The following PCDH15 variants were observed in gnomAD, a reference collection of about 807,000 sequenced individuals.
The protein encoded by PCDH15 is protocadherin related 15.
A neutral mutation model predicts 178.5 loss-of-function variants in PCDH15; 129 were observed. The observed-to-expected ratio is 0.72, with a 90% CI of 0.63 to 0.84. PCDH15 has a LOEUF of 0.84. PCDH15 is among the 40% of genes least tolerant of loss of function. The pLI, the probability that PCDH15 is intolerant of heterozygous loss-of-function variation, is 0.00. For synonymous variants in PCDH15, 800 were observed against 732.0 expected, an observed-to-expected ratio of 1.09 and a Z score of -1.50; for missense variants, 2,230 against 2,099.9, an observed-to-expected ratio of 1.06 and a Z score of -1.21.
intron 2 of PCDH15, among the ~76,000 whole-genome samples, chr10:55,538,524 C>A (rs796746623): frequency 3.2e-5 from 2 of 62,572 alleles, no homozygotes; most frequent in Non-Finnish European, 6.6e-5. Flanking sequence ...CTTCCTTCCT[C>A]CCTTCCTTCC....
At chr10:55,475,691 T>A (rs1238173754) in intron 2 of PCDH15, among the ~76,000 whole-genome samples, 1 of 152,146 alleles carries the variant, frequency 6.6e-6, no homozygotes, top group Non-Finnish European at 1.5e-5. Context: ...GTGTTTAAAC[T>A]TGGGTCTCAT....
At chr10:55,296,258 T>G (rs1222682825) in intron 1 of PCDH15, among the ~76,000 whole-genome samples, 1 of 152,156 alleles carries the variant, frequency 6.6e-6, no homozygotes, top group Non-Finnish European at 1.5e-5. Context: ...CAAATAGGCA[T>G]GGATGAGTAA....
chr10:55,026,155 G>A (rs1840470297), intron 2 of PCDH15, among the ~76,000 whole-genome samples: 1 of 151,866 alleles, frequency 6.6e-6, no homozygotes, highest in Non-Finnish European at 1.5e-5. Flanking sequence ...TCCACAAATG[G>A]AAGACAGGAT....
chr10:54,193,292 G>T (rs2049218495), intron 11 of PCDH15, among the ~76,000 whole-genome samples: 3 of 152,110 alleles, frequency 2.0e-5, no homozygotes, highest in Admixed American at 2.0e-4. Context: ...CAAGCATAGG[G>T]CTTAGTGTGT....
chr10:54,716,963 A>G (rs1435015824), intron 1 of PCDH15, among the ~76,000 whole-genome samples: 1 of 148,560 alleles, frequency 6.7e-6, no homozygotes, highest in Non-Finnish European at 1.5e-5. Flanking sequence ...CCGCATATCT[A>G]CAACTATCTG....
chr10:55,594,303 A>G (rs1177962815), intron 2 of PCDH15, among the ~76,000 whole-genome samples: 1 of 151,982 alleles, frequency 6.6e-6, no homozygotes, highest in Non-Finnish European at 1.5e-5. Flanking sequence ...AGTGATAATA[A>G]TTTGTATTAC....
chr10:55,611,261 A>G (rs749060967), intron 2 of PCDH15, among the ~76,000 whole-genome samples: 1 of 152,116 alleles, frequency 6.6e-6, no homozygotes, highest in African/African-American at 2.4e-5. Context: ...TGCAAATCAT[A>G]GGTCTGATAA....
intron 2 of PCDH15, among the ~76,000 whole-genome samples, chr10:54,647,082 A>G (rs543244749): frequency 3.9e-5 from 6 of 152,116 alleles, no homozygotes; most frequent in Admixed American, 1.3e-4. Context: ...GTGCGGAGAC[A>G]ACCTAACTTT....
intron 3 of PCDH15, among the ~76,000 whole-genome samples, chr10:54,439,962 GTT>G (rs2075692017): frequency 6.6e-6 from 1 of 151,940 alleles, no homozygotes; most frequent in African/African-American, 2.4e-5. Context: ...TCTAATACAT[GTT>G]TTCCACCTTG....
intron 1 of PCDH15, among the ~76,000 whole-genome samples, chr10:55,224,972 T>C (rs1199242970): frequency 1.3e-5 from 2 of 152,138 alleles, no homozygotes; most frequent in African/African-American, 4.8e-5. Context: ...AAGCCACTCC[T>C]TGGTCAATAT....
chr10:53,954,474 T>C (rs1022839524), intron 23 of PCDH15, among the ~76,000 whole-genome samples: 2 of 152,204 alleles, frequency 1.3e-5, no homozygotes, highest in Non-Finnish European at 2.9e-5. Context: ...GTATGCCAAA[T>C]AGTAAATGCG....
chr10:54,406,907 T>G (rs544011443), intron 3 of PCDH15, among the ~76,000 whole-genome samples: 1 of 151,902 alleles, frequency 6.6e-6, no homozygotes, highest in East Asian at 1.9e-4. Flanking sequence ...TTCTTAAAAA[T>G]TTAAAACTTT....
At chr10:55,108,650 T>C (rs1360957189) in intron 2 of PCDH15, among the ~76,000 whole-genome samples, 1 of 152,086 alleles carries the variant, frequency 6.6e-6, no homozygotes, top group Admixed American at 6.6e-5. Flanking sequence ...ATTTCTAATA[T>C]GTTTCAAATT....
rs559465320 is a variant in PCDH15, at chr10:53,827,320, G to A, written c.4367+73C>T. 7 of 1,498,822 alleles carry A rather than the reference G, an allele frequency of 4.7e-6. No homozygotes were observed. In the South Asian group the frequency reaches 9.9e-5, roughly 21 times the overall value. 92.8% of individuals were successfully genotyped at this position (1,498,822 alleles called of 1,614,324 possible). ...CATGTAGGCATTTCCACATCAGATT[G>A]AAATTAAATACTCACCACACAGAAT... is the stretch of plus-strand genomic sequence containing the variant. On this transcript the variant is annotated intron_variant, in intron 32 of 37. Transcript: ENST00000644397.
intron 9 of PCDH15, among the ~76,000 whole-genome samples, chr10:54,229,355 A>G (rs1003952611): frequency 1.3e-5 from 2 of 152,234 alleles, no homozygotes; most frequent in Admixed American, 6.5e-5. Context: ...ATACATGTAT[A>G]ATTCTTAAAT....
At chr10:55,101,394 A>T (rs1314126912) in intron 2 of PCDH15, among the ~76,000 whole-genome samples, 5 of 114,204 alleles carry the variant, frequency 4.4e-5, no homozygotes, top group Non-Finnish European at 6.4e-5. Flanking sequence ...ATCTCAAAAT[A>T]AAAAAAAAAA....
At chr10:53,890,533 T>C (rs1360013822) in intron 26 of PCDH15, among the ~76,000 whole-genome samples, 1 of 152,210 alleles carries the variant, frequency 6.6e-6, no homozygotes, top group East Asian at 1.9e-4. Context: ...CCTCACTGAC[T>C]TTTGTCCTTT....
chr10:54,565,409 C>A (rs910796120), intron 2 of PCDH15, among the ~76,000 whole-genome samples: 3 of 152,262 alleles, frequency 2.0e-5, no homozygotes, highest in Admixed American at 6.5e-5. Flanking sequence ...CCCACTGAGG[C>A]CTGACCTTAA....
At chr10:54,177,973 A>C (rs886419567) in intron 13 of PCDH15, among the ~76,000 whole-genome samples, 1 of 152,130 alleles carries the variant, frequency 6.6e-6, no homozygotes, top group Non-Finnish European at 1.5e-5. Flanking sequence ...TAACTTTGGG[A>C]GACAAGTATA....
Sources: allele counts gnomAD v4.1 joint callset (sites outside exome capture counted in the v4.1 genomes callset), GRCh38; gene constraint gnomAD v4.1.1; transcripts MANE v1.5; gene names NCBI Gene and HGNC (gene_info 2026-07-23, HGNC 2026-07-21).